The following ZNF721 variants were observed in gnomAD, a reference collection of about 807,000 sequenced individuals.
The protein encoded by ZNF721 is zinc finger protein 721.
In ZNF721, 2 loss-of-function variants were observed where a neutral mutation model predicts 2.4. That is an observed-to-expected ratio of 0.82 (90% CI 0.34 to 2.58). The LOEUF is 2.58. ZNF721 is among the 30% of genes most tolerant of loss of function. The pLI is 0.11. For synonymous variants in ZNF721, 398 were observed against 381.8 expected, an observed-to-expected ratio of 1.04 and a Z score of -0.50; for missense variants, 1,187 against 1,085.5, an observed-to-expected ratio of 1.09 and a Z score of -1.31.
intron 1 of ZNF721, among the ~76,000 whole-genome samples, chr4:496,188 A>G (rs1716148910): frequency 6.6e-6 from 1 of 152,018 alleles, no homozygotes; most frequent in Non-Finnish European, 1.5e-5. Flanking sequence ...GCCGCTTCAG[A>G]GGCCTTGTTC....
intron 1 of ZNF721, among the ~76,000 whole-genome samples, chr4:479,740 C>G (rs1289683268): frequency 2.0e-5 from 3 of 152,204 alleles, no homozygotes; most frequent in Non-Finnish European, 4.4e-5. Context: ...CACCAATGCT[C>G]CATGTGGCCT....
chr4:465,251 G>T (rs570487617), intron 2 of ZNF721, among the ~76,000 whole-genome samples: 1 of 152,236 alleles, frequency 6.6e-6, no homozygotes, highest in Non-Finnish European at 1.5e-5. Flanking sequence ...GCTGGACCTG[G>T]TGGCGTGTAC....
chr4:486,149 C>T (rs1453919118), intron 1 of ZNF721, among the ~76,000 whole-genome samples: 6 of 94,108 alleles, frequency 6.4e-5, no homozygotes, highest in Non-Finnish European at 1.1e-4. Context: ...AGTGTGATTT[C>T]TTTTTTTTTT....
intron 2 of ZNF721, among the ~76,000 whole-genome samples, chr4:464,107 A>G (rs1715161363): frequency 6.6e-6 from 1 of 152,202 alleles, no homozygotes; most frequent in Admixed American, 6.5e-5. Flanking sequence ...CAATAGTAGA[A>G]CTAAAAAATT....
intron 2 of ZNF721, among the ~76,000 whole-genome samples, chr4:466,594 T>A (rs1576963712): frequency 6.6e-6 from 1 of 152,216 alleles, no homozygotes; most frequent in Admixed American, 6.5e-5. Flanking sequence ...ATGAGGGATT[T>A]TTTTCTTTCT....
At chr4:498,726 C>CTTTTTTTT (rs1180549953) in intron 1 of ZNF721, among the ~76,000 whole-genome samples, 3 of 132,552 alleles carry the variant, frequency 2.3e-5, no homozygotes, top group Non-Finnish European at 4.8e-5. Flanking sequence ...GTTGAATTTT[C>CTTTTTTTT]TTTTTTTTTT....
At chr4:495,589 G>A (rs1444010144) in intron 1 of ZNF721, among the ~76,000 whole-genome samples, 7 of 150,194 alleles carry the variant, frequency 4.7e-5, no homozygotes, top group Middle Eastern at 3.2e-3. Flanking sequence ...GCAAGTTTTA[G>A]AGGAAGTTTG....
At chr4:475,198 G>A (rs915656725) in intron 1 of ZNF721, among the ~76,000 whole-genome samples, 3 of 151,388 alleles carry the variant, frequency 2.0e-5, no homozygotes, top group Admixed American at 1.3e-4. Flanking sequence ...AAAAAAAAAA[G>A]CTAGCTTTAT....
At chr4:495,494 G>A (rs1049830153) in intron 1 of ZNF721, among the ~76,000 whole-genome samples, 5 of 151,166 alleles carry the variant, frequency 3.3e-5, no homozygotes, top group Admixed American at 2.6e-4. Context: ...TCGATCAGGG[G>A]TAGCTTTGCC....
chr4:488,345 G>GC (rs1715945962), intron 1 of ZNF721, among the ~76,000 whole-genome samples: 1 of 152,124 alleles, frequency 6.6e-6, no homozygotes, highest in South Asian at 2.1e-4. Context: ...CTCACGCAGT[G>GC]CCCCACACCA....
intron 1 of ZNF721, among the ~76,000 whole-genome samples, chr4:495,931 C>G (rs1288575735): frequency 2.6e-5 from 4 of 152,064 alleles, no homozygotes; most frequent in Non-Finnish European, 5.9e-5. Context: ...CCATTGAGCT[C>G]CTTTAAAAAA....
At chr4:491,014 C>T (rs1437405235) in intron 1 of ZNF721, among the ~76,000 whole-genome samples, 1 of 152,114 alleles carries the variant, frequency 6.6e-6, no homozygotes, top group African/African-American at 2.4e-5. Flanking sequence ...AGCTCTTCCT[C>T]CTCCTCAGTA....
At chr4:477,786 C>T (rs1412511371) in intron 1 of ZNF721, among the ~76,000 whole-genome samples, 1 of 152,070 alleles carries the variant, frequency 6.6e-6, no homozygotes, top group African/African-American at 2.4e-5. Flanking sequence ...CCTGATACAC[C>T]CCTAAGAGAT....
intron 2 of ZNF721, among the ~76,000 whole-genome samples, chr4:446,931 C>T (rs1226798957): frequency 6.6e-6 from 1 of 152,152 alleles, no homozygotes; most frequent in Non-Finnish European, 1.5e-5. Flanking sequence ...CGTAATCCGC[C>T]TGCCTCAGCC....
rs1405955745 is a variant in ZNF721 at position 443,447 on chromosome 4, T to C, written c.1020A>G (p.Lys340=). 1 of 1,612,014 alleles carries C rather than the reference T, an allele frequency of 6.2e-7. No homozygotes were observed. Among genetic ancestry groups the C allele is most frequent in the African/African-American group, 1.3e-5 (1 of 74,854 alleles). ...AAAGGTTTGCGGACTGTCTAAAGGT[T>C]TTGCCACATTCTCCACATGTGTAGG... The part of the protein sequence containing the change: ...EKPYTCGECG[K]TFRQSANLYV... The change falls in exon 3 of 3, where the codon AAA becomes AAG. Residue 340 remains lysine (K), a synonymous_variant. Transcript: ENST00000511833.
At chr4:483,600 G>C (rs1715824653) in intron 1 of ZNF721, among the ~76,000 whole-genome samples, 1 of 151,890 alleles carries the variant, frequency 6.6e-6, no homozygotes, top group Non-Finnish European at 1.5e-5. Context: ...GGTTACATTT[G>C]GGGAGGAGGA....
At chr4:476,931 C>T (rs890880506) in intron 1 of ZNF721, among the ~76,000 whole-genome samples, 1 of 152,196 alleles carries the variant, frequency 6.6e-6, no homozygotes, top group Admixed American at 6.5e-5. Context: ...ATCCTAAACA[C>T]GCCACTGAGA....
chr4:493,882 A>G (rs887010225), intron 1 of ZNF721, among the ~76,000 whole-genome samples: 12 of 152,218 alleles, frequency 7.9e-5, no homozygotes, highest in Non-Finnish European at 1.5e-4. Flanking sequence ...AGGGATAATT[A>G]TAAAATTGCT....
chr4:465,434 TG>T (rs1424105458), intron 2 of ZNF721, among the ~76,000 whole-genome samples: 11 of 129,722 alleles, frequency 8.5e-5, no homozygotes, highest in African/African-American at 1.2e-4. Flanking sequence ...TTTTGTTTTT[TG>T]TTTTTTTTTT....
Sources: gnomAD v4.1 joint callset for allele counts (sites outside exome capture counted in the v4.1 genomes callset) on GRCh38, gnomAD v4.1.1 for gene constraint, MANE v1.5 for transcripts, NCBI Gene and HGNC (gene_info 2026-07-23, HGNC 2026-07-21) for gene names.